Variants in ANO3 observed in about 807,000 individuals in gnomAD.
ANO3 encodes anoctamin-3.
Under a neutral mutation model 144.8 loss-of-function variants are expected in ANO3, and 99 were observed. That is an observed-to-expected ratio of 0.68 (90% CI 0.58 to 0.81). The LOEUF (loss-of-function observed/expected upper bound fraction) is 0.81, where lower values mean the gene tolerates loss of function less well. Among genes scored for constraint, ANO3 ranks in the 30% least tolerant of loss-of-function variants. ANO3 has a pLI of 0.00. For missense variants in ANO3, 905 were observed against 1,202.2 expected (o/e 0.75, Z 3.66); for synonymous variants, 414 against 392.6 (o/e 1.05, Z -0.64).
chr11:26,324,909 G>T (rs564718854), intron 1 of ANO3, among the ~76,000 whole-genome samples: 2 of 152,236 alleles, frequency 1.3e-5, no homozygotes, highest in Admixed American at 6.5e-5. Context: ...AAATGAATAG[G>T]TATAATTAAA....
intron 9 of ANO3, among the ~76,000 whole-genome samples, chr11:26,536,252 A>T (rs1021515024): frequency 3.3e-5 from 5 of 151,496 alleles, no homozygotes; most frequent in African/African-American, 1.2e-4. Flanking sequence ...CCGGGAAGTG[A>T]AGGTTGCAGT....
chr11:26,406,090 G>A (rs1857270338), intron 1 of ANO3, among the ~76,000 whole-genome samples: 1 of 151,886 alleles, frequency 6.6e-6, no homozygotes, highest in South Asian at 2.1e-4. Context: ...CATTTGTGGT[G>A]CTATAACAGA....
At chr11:26,452,336 C>G (rs1359647033) in intron 3 of ANO3, among the ~76,000 whole-genome samples, 1 of 152,014 alleles carries the variant, frequency 6.6e-6, no homozygotes, top group Non-Finnish European at 1.5e-5. Context: ...CTTTGAAAAA[C>G]ATTTAGACGA....
intron 13 of ANO3, among the ~76,000 whole-genome samples, chr11:26,558,075 T>C (rs1289230305): frequency 6.6e-6 from 1 of 152,182 alleles, no homozygotes; most frequent in Admixed American, 6.5e-5. Flanking sequence ...AGGAAGATGT[T>C]CCTAAACTAT....
At chr11:26,345,797 G>T (rs1260086228) in intron 1 of ANO3, among the ~76,000 whole-genome samples, 1 of 152,190 alleles carries the variant, frequency 6.6e-6, no homozygotes, top group Non-Finnish European at 1.5e-5. Context: ...ATCACTGTGT[G>T]CTCGATGTGC....
Position 26,643,384 on chromosome 11 carries a change from GC to G in ANO3, c.2428+51del, listed in dbSNP as rs766155782. 8 of 1,601,058 alleles carry G rather than the reference GC, an allele frequency of 5.0e-6. No homozygotes were observed. In the African/African-American group the frequency reaches 9.4e-5, roughly 19 times the overall value. The stretch of plus-strand genomic sequence containing the variant: ...TTTACGTTGCTAACACCAATAGGTT[GC>G]TATGGTTTGAGTGTGCCCCCAGATT... On this transcript the variant is annotated intron_variant, in intron 23 of 26. Transcript: ENST00000256737.
chr11:26,644,898 C>CAT (rs1250867071), intron 23 of ANO3, among the ~76,000 whole-genome samples: 3 of 150,268 alleles, frequency 2.0e-5, no homozygotes, highest in African/African-American at 7.3e-5. Context: ...TGTGTGTGTA[C>CAT]ATATATATAT....
intron 4 of ANO3, among the ~76,000 whole-genome samples, chr11:26,476,099 C>G (rs1274122973): frequency 6.6e-6 from 1 of 152,052 alleles, no homozygotes; most frequent in African/African-American, 2.4e-5. Context: ...CTTAATTCTC[C>G]CCTTAATATC....
chr11:26,549,977 G>T (rs1464215724), intron 12 of ANO3, among the ~76,000 whole-genome samples: 2 of 151,580 alleles, frequency 1.3e-5, no homozygotes, highest in Admixed American at 1.3e-4. Context: ...CATTTATCAA[G>T]TCCCTGTAAT....
intron 14 of ANO3, among the ~76,000 whole-genome samples, chr11:26,582,379 G>T (rs12793968): frequency 0.13 from 19,129 of 152,112 alleles, 1,474 homozygotes; most frequent in Non-Finnish European, 0.16. Context: ...TCTAGTACTG[G>T]CCACTTTGAA....
chr11:26,418,121 G>A (rs943742965), intron 1 of ANO3, among the ~76,000 whole-genome samples: 1 of 152,080 alleles, frequency 6.6e-6, no homozygotes, highest in African/African-American at 2.4e-5. Context: ...CTTTGGCACA[G>A]CATGGAGAAA....
At chr11:26,521,991 T>G (rs1455521376) in intron 6 of ANO3, among the ~76,000 whole-genome samples, 6 of 152,206 alleles carry the variant, frequency 3.9e-5, no homozygotes, top group Admixed American at 2.6e-4. Flanking sequence ...GAGACCATCC[T>G]GGCTAACACG....
At chr11:26,459,449 A>G (rs12275920) in intron 3 of ANO3, among the ~76,000 whole-genome samples, 134,676 of 151,988 alleles carry the variant, frequency 0.89, 60,258 homozygotes, top group East Asian at 1. Flanking sequence ...TATAATTTAA[A>G]GACAGTTTAG....
chr11:26,529,111 TAATA>T (rs1361807155), intron 7 of ANO3, among the ~76,000 whole-genome samples: 1 of 1,678 alleles, frequency 6.0e-4, no homozygotes, highest in African/African-American at 6.5e-4. Context: ...TATATATTAT[TAATA>T]ATATATATTA....
intron 4 of ANO3, among the ~76,000 whole-genome samples, chr11:26,485,938 C>T (rs1382399840): frequency 1.3e-5 from 2 of 152,122 alleles, no homozygotes; most frequent in Non-Finnish European, 2.9e-5. Flanking sequence ...TATTTGTAAA[C>T]TATGCATCCA....
intron 14 of ANO3, among the ~76,000 whole-genome samples, chr11:26,576,176 G>A (rs1289004889): frequency 6.6e-6 from 1 of 152,102 alleles, no homozygotes; most frequent in Admixed American, 6.6e-5. Context: ...TCTTTGTTTT[G>A]AATCCTGGTT....
At chr11:26,651,682 A>G (rs1295532544) in intron 24 of ANO3, among the ~76,000 whole-genome samples, 1 of 152,080 alleles carries the variant, frequency 6.6e-6, no homozygotes, top group South Asian at 2.1e-4. Flanking sequence ...AATTTCAAAT[A>G]TCTTAAAATA....
intron 1 of ANO3, among the ~76,000 whole-genome samples, chr11:26,424,532 T>C (rs1270150108): frequency 6.6e-6 from 1 of 152,136 alleles, no homozygotes; most frequent in East Asian, 1.9e-4. Flanking sequence ...ACATTTTTAC[T>C]ATCAGCTAAC....
intron 1 of ANO3, among the ~76,000 whole-genome samples, chr11:26,357,288 A>G (rs192910916): frequency 6.6e-6 from 1 of 152,318 alleles, no homozygotes; most frequent in African/African-American, 2.4e-5. Context: ...TTAACTTTTT[A>G]AGAAAGTGTC....
Sources: allele counts gnomAD v4.1 joint callset (sites outside exome capture counted in the v4.1 genomes callset), GRCh38; gene constraint gnomAD v4.1.1; transcripts MANE v1.5; gene names NCBI Gene and HGNC (gene_info 2026-07-23, HGNC 2026-07-21).